The following APBA1 variants were observed in gnomAD, a reference collection of about 807,000 sequenced individuals.
The protein encoded by APBA1 is amyloid beta precursor protein binding family A member 1, also known as amyloid-beta A4 precursor protein-binding family A member 1.
In APBA1, 55 loss-of-function variants were observed where a neutral mutation model predicts 86.6. That is an observed-to-expected ratio of 0.64 (90% confidence interval 0.51 to 0.80). The LOEUF (loss-of-function observed/expected upper bound fraction) is 0.80. Among genes scored for constraint, APBA1 ranks in the 30% least tolerant of loss-of-function variants. The pLI is 0.00. For synonymous variants in APBA1, 511 were observed against 493.9 expected (o/e 1.03, Z -0.46); for missense variants, 1,090 against 1,183.0 (o/e 0.92, Z 1.15).
Position 69,428,911 on chromosome 9 carries a change from C to G in APBA1, c.*2416G>C, listed in dbSNP as rs1021729621. The G allele has an allele frequency of 1.1e-4, 17 of 152,370 alleles. No individual in the cohort carries two copies. The East Asian group carries it at 3.3e-3, about 29-fold the overall frequency. The allele number at this position is 152,370 out of a possible 1,614,324, so 9.4% of individuals were successfully genotyped here. On this transcript the variant is annotated 3_prime_UTR_variant, in exon 13 of 13. Coordinates refer to ENST00000265381, the MANE Select transcript of APBA1 (RefSeq NM_001163.4). ...AATGTGGCAGAGAAATCTTCTCACT[C>G]TAATGTTACAATGTCAGTCCTCTAG...
chr9:69,625,324 A>G (rs1341001737), intron 1 of APBA1, among the ~76,000 whole-genome samples: 2 of 152,174 alleles, frequency 1.3e-5, no homozygotes, highest in Non-Finnish European at 2.9e-5. Flanking sequence ...ACTCTTTGTC[A>G]TGATGCCCTA....
intron 1 of APBA1, among the ~76,000 whole-genome samples, chr9:69,638,277 G>A (rs1224744900): frequency 6.6e-6 from 1 of 152,136 alleles, no homozygotes; most frequent in African/African-American, 2.4e-5. Flanking sequence ...GTTTTACTCT[G>A]TCATCCAGGC....
At chr9:69,616,854 A>G (rs1213081327) in intron 1 of APBA1, among the ~76,000 whole-genome samples, 1 of 152,176 alleles carries the variant, frequency 6.6e-6, no homozygotes, top group Non-Finnish European at 1.5e-5. Context: ...AAAAGGGGGG[A>G]ATGTGAAAGT....
At chr9:69,517,773 G>A (rs1225548118) in intron 1 of APBA1, among the ~76,000 whole-genome samples, 2 of 152,156 alleles carry the variant, frequency 1.3e-5, no homozygotes, top group Non-Finnish European at 2.9e-5. Context: ...GTGGGGTCCC[G>A]CCCCGGTTCT....
intron 1 of APBA1, among the ~76,000 whole-genome samples, chr9:69,652,489 G>A (rs1160908657): frequency 6.6e-6 from 1 of 152,136 alleles, no homozygotes; most frequent in Non-Finnish European, 1.5e-5. Flanking sequence ...GCCTGTCTAA[G>A]CTGGAGGAAG....
intron 1 of APBA1, among the ~76,000 whole-genome samples, chr9:69,578,827 C>T (rs914533110): frequency 6.6e-6 from 1 of 152,154 alleles, no homozygotes; most frequent in Non-Finnish European, 1.5e-5. Context: ...GCAATTTTAT[C>T]ACAACTTCAC....
intron 10 of APBA1, among the ~76,000 whole-genome samples, chr9:69,445,426 T>C (rs1834891033): frequency 6.6e-6 from 1 of 152,178 alleles, no homozygotes; most frequent in Non-Finnish European, 1.5e-5. Context: ...AAAGGGTCAT[T>C]TGGTCCCCAT....
chr9:69,433,089 T>G (rs932604901), intron 11 of APBA1, among the ~76,000 whole-genome samples: 5 of 152,204 alleles, frequency 3.3e-5, no homozygotes, highest in Non-Finnish European at 5.9e-5. Context: ...GCAGACTGTT[T>G]TTAGGGTCAC....
chr9:69,563,399 A>G (rs1306201452), intron 1 of APBA1, among the ~76,000 whole-genome samples: 5 of 152,220 alleles, frequency 3.3e-5, no homozygotes, highest in African/African-American at 1.2e-4. Flanking sequence ...TACAAATAAA[A>G]AGCTGTCCCA....
intron 5 of APBA1, chr9:69,463,576 T>G (rs904067023): frequency 5.9e-5 from 9 of 152,234 alleles, no homozygotes; most frequent in African/African-American, 2.2e-4. Flanking sequence ...AATTAAAGAC[T>G]ACTTTGAAAT....
At chr9:69,583,771 A>T (rs1185991576) in intron 1 of APBA1, among the ~76,000 whole-genome samples, 2 of 152,160 alleles carry the variant, frequency 1.3e-5, no homozygotes, top group Non-Finnish European at 2.9e-5. Flanking sequence ...GGATCTTGTG[A>T]TACTGCGGAA....
At chr9:69,435,696 T>C (rs1834697560) in intron 11 of APBA1, among the ~76,000 whole-genome samples, 1 of 152,240 alleles carries the variant, frequency 6.6e-6, no homozygotes, top group African/African-American at 2.4e-5. Context: ...TATTAGCCCT[T>C]TGTCAGATGA....
chr9:69,547,654 TG>T (rs1836719307), intron 1 of APBA1, among the ~76,000 whole-genome samples: 1 of 152,206 alleles, frequency 6.6e-6, no homozygotes, highest in Non-Finnish European at 1.5e-5. Context: ...TTGAGGCAAT[TG>T]TATTAATTGT....
chr9:69,643,915 A>G (rs1459391315), intron 1 of APBA1, among the ~76,000 whole-genome samples: 1 of 152,220 alleles, frequency 6.6e-6, no homozygotes, highest in East Asian at 1.9e-4. Context: ...AAGGACTCCA[A>G]GCATGCTCTT....
chr9:69,457,207 A>G, intron 6 of APBA1, 68 bp from the exon 7 acceptor site: 1 of 1,232,370 alleles, frequency 8.1e-7, no homozygotes, highest in Non-Finnish European at 1.2e-6. Flanking sequence ...AGAAGGAGTA[A>G]GGTTAGCTCA....
chr9:69,647,593 C>T (rs570973965), intron 1 of APBA1, among the ~76,000 whole-genome samples: 2 of 152,138 alleles, frequency 1.3e-5, no homozygotes, highest in South Asian at 2.1e-4. Context: ...TTTCCTCTAA[C>T]TTATTAAGTT....
rs75292397 is a variant in APBA1 at position 69,593,260 on chromosome 9, G to A, written c.-69-75981C>T. On this transcript the variant is annotated intron_variant, in intron 1 of 12. Transcript: ENST00000265381. ...TTTGGAGGCTGATATAAATACACTT[G>A]TGCTTATCTGTGTCTAGTTATTTAT... 8.0e-3 allele frequency among the ~76,000 whole-genome samples: 1,219 copies of A among 152,060 alleles called. 9 individuals carry two copies. Among genetic ancestry groups the A allele is most frequent in the Middle Eastern group, 0.041 (12 of 294 alleles).
At position 69,431,041 on chromosome 9, in the gene APBA1, C is replaced by T; in HGVS notation, c.*286G>A. ...AAGCAGTGACAGCCCACCCCCTGGACACACCCAGAAAGCCCTCCAGGATGG... is the reference window on the plus strand; with the variant it reads ...AAGCAGTGACAGCCCACCCCCTGGATACACCCAGAAAGCCCTCCAGGATGG... On this transcript the variant is annotated 3_prime_UTR_variant, in exon 13 of 13. Coordinates refer to ENST00000265381, the MANE Select transcript of APBA1 (RefSeq NM_001163.4). The T allele has an allele frequency of 6.1e-6, 2 of 329,536 alleles. No individual in the cohort carries two copies. The highest frequency in any genetic ancestry group is 1.2e-4 in the South Asian group (1 of 8,304). The allele number at this position is 329,536 out of a possible 1,614,324, so 20.4% of individuals were successfully genotyped here. A position where few individuals can be genotyped will look rare whatever the true frequency, so the allele number is the denominator to read the frequency against.
intron 8 of APBA1, among the ~76,000 whole-genome samples, chr9:69,454,490 G>C (rs960425874): frequency 6.6e-6 from 1 of 152,220 alleles, no homozygotes; most frequent in African/African-American, 2.4e-5. Flanking sequence ...TGGTGAGGGA[G>C]GTACTATCGT....
Sources: gnomAD v4.1 joint callset for allele counts (sites outside exome capture counted in the v4.1 genomes callset) on GRCh38, gnomAD v4.1.1 for gene constraint, MANE v1.5 for transcripts, NCBI Gene and HGNC (gene_info 2026-07-23, HGNC 2026-07-21) for gene names.